TPRG1: variants seen among roughly 807,000 people sequenced by gnomAD.
TPRG1 encodes tumor protein p63-regulated gene 1 protein.
Under a neutral mutation model 29.3 loss-of-function variants are expected in TPRG1, and 29 were observed. The observed-to-expected ratio is 0.99, with a 90% CI of 0.74 to 1.35. TPRG1 has a LOEUF of 1.35. TPRG1 is among the 40% of genes most tolerant of loss of function. The pLI, the probability that TPRG1 is intolerant of heterozygous loss-of-function variation, is 0.00. For missense variants in TPRG1, 327 were observed against 335.0 expected (o/e 0.98, Z 0.19); for synonymous variants, 130 against 116.8 (o/e 1.11, Z -0.73).
At chr3:189,004,654 G>T (rs2194521) in exon 3 of TPRG1, 2 of 152,042 alleles carry the variant, frequency 1.3e-5, no homozygotes, top group Non-Finnish European at 2.9e-5. Flanking sequence ...TCGCAAACCT[G>T]CTCTTCAGGC....
intron 4 of TPRG1, among the ~76,000 whole-genome samples, chr3:189,300,658 A>G (rs546504742): frequency 6.6e-6 from 1 of 152,326 alleles, no homozygotes; most frequent in Admixed American, 6.5e-5. Context: ...GAGCTAGACC[A>G]GATAAGCTCC....
At chr3:189,167,843 C>G (rs555829746), upstream of TPRG1, among the ~76,000 whole-genome samples, 4 of 152,166 alleles carry the variant, frequency 2.6e-5, no homozygotes, top group Non-Finnish European at 5.9e-5. Flanking sequence ...GCACTTACTT[C>G]GAGATTCTGT....
At chr3:189,206,625 C>T (rs1001206848) in intron 1 of TPRG1, among the ~76,000 whole-genome samples, 19 of 151,784 alleles carry the variant, frequency 1.3e-4, no homozygotes, top group East Asian at 5.8e-4. Context: ...CTCAGCCTAC[C>T]GAGTAGCTGA....
intron 3 of TPRG1, among the ~76,000 whole-genome samples, chr3:189,237,613 T>G (rs150661853): frequency 1.3e-5 from 2 of 152,132 alleles, no homozygotes; most frequent in East Asian, 3.9e-4. Context: ...GAGATGACCC[T>G]GAGTAGAGGC....
chr3:189,271,407 A>G (rs113766898), intron 4 of TPRG1, among the ~76,000 whole-genome samples: 5 of 151,044 alleles, frequency 3.3e-5, no homozygotes, highest in African/African-American at 9.6e-5. Context: ...AGTCTTGCAT[A>G]TAGTATATGT....
intron 4 of TPRG1, among the ~76,000 whole-genome samples, chr3:189,247,829 C>T (rs1741580071): frequency 6.6e-6 from 1 of 151,812 alleles, no homozygotes; most frequent in African/African-American, 2.4e-5. Context: ...AACATTTTGG[C>T]AGGTTCAAGG....
chr3:189,299,680 T>C (rs1242033968), intron 4 of TPRG1, among the ~76,000 whole-genome samples: 1 of 151,782 alleles, frequency 6.6e-6, no homozygotes, highest in Non-Finnish European at 1.5e-5. Context: ...GTCCAACCGA[T>C]TTGACCATGA....
intron 4 of TPRG1, among the ~76,000 whole-genome samples, chr3:189,252,783 C>T (rs1742497073): frequency 6.6e-6 from 1 of 152,114 alleles, no homozygotes; most frequent in Admixed American, 6.5e-5. Flanking sequence ...ACAGTGCTTT[C>T]TAATTTTTAA....
intron 4 of TPRG1, among the ~76,000 whole-genome samples, chr3:189,285,125 G>C (rs1401243251): frequency 3.3e-5 from 5 of 152,176 alleles, no homozygotes; most frequent in Admixed American, 3.3e-4. Context: ...CAACAAGTGG[G>C]CGAAGGATAT....
intron 4 of TPRG1, among the ~76,000 whole-genome samples, chr3:189,075,023 G>T (rs1459588861): frequency 6.6e-6 from 1 of 152,140 alleles, no homozygotes; most frequent in Admixed American, 6.5e-5. Flanking sequence ...GTGTTAGGCA[G>T]GATGGTCTCA....
chr3:189,315,427 CTTTGTA>C, intron 5 of TPRG1: 1 of 439,614 alleles, frequency 2.3e-6, no homozygotes, highest in Non-Finnish European at 4.5e-6. Context: ...ATTTCATCCA[CTTTGTA>C]TTTGCAACTT....
At chr3:189,125,433 T>C (rs1184191842) in intron 1 of TPRG1, among the ~76,000 whole-genome samples, 3 of 152,224 alleles carry the variant, frequency 2.0e-5, no homozygotes, top group Admixed American at 6.5e-5. Context: ...TATTATTTAC[T>C]GAGCCCTGGG....
chr3:189,252,960 G>A (rs1347164442), intron 4 of TPRG1, among the ~76,000 whole-genome samples: 1 of 151,720 alleles, frequency 6.6e-6, no homozygotes, highest in African/African-American at 2.4e-5. Flanking sequence ...TTTACATATT[G>A]GAAAACAATA....
At chr3:189,012,394 T>G (rs1274412184) in intron 3 of TPRG1, among the ~76,000 whole-genome samples, 1 of 152,176 alleles carries the variant, frequency 6.6e-6, no homozygotes, top group Admixed American at 6.6e-5. Flanking sequence ...AATCATGTGG[T>G]TTTTGTCTTT....
At chr3:189,118,990 T>A (rs1423730938) in intron 1 of TPRG1, among the ~76,000 whole-genome samples, 2 of 152,234 alleles carry the variant, frequency 1.3e-5, no homozygotes, top group African/African-American at 2.4e-5. Flanking sequence ...ATGGGAGGTC[T>A]ACATACAGCT....
At chr3:189,021,868 C>T (rs1443656374) in intron 3 of TPRG1, among the ~76,000 whole-genome samples, 1 of 152,192 alleles carries the variant, frequency 6.6e-6, no homozygotes, top group South Asian at 2.1e-4. Flanking sequence ...TTCAGGTACA[C>T]CAATGAGACG....
At chr3:189,061,848 T>G (rs1280293916) in intron 4 of TPRG1, among the ~76,000 whole-genome samples, 1 of 151,836 alleles carries the variant, frequency 6.6e-6, no homozygotes, top group African/African-American at 2.4e-5. Context: ...GGAGTGTAAA[T>G]TAGTTCAATC....
At chr3:189,191,974 G>A (rs1046495166) in intron 1 of TPRG1, among the ~76,000 whole-genome samples, 1 of 152,098 alleles carries the variant, frequency 6.6e-6, no homozygotes, top group Non-Finnish European at 1.5e-5. Flanking sequence ...CATTATAACT[G>A]AACACACTGG....
intron 1 of TPRG1, among the ~76,000 whole-genome samples, chr3:189,100,385 A>G (rs1248005877): frequency 2.0e-5 from 3 of 152,214 alleles, no homozygotes; most frequent in Admixed American, 6.5e-5. Flanking sequence ...AAATCATTCA[A>G]GGGTCATCTC....
Sources: allele counts gnomAD v4.1 joint callset (sites outside exome capture counted in the v4.1 genomes callset), GRCh38; gene constraint gnomAD v4.1.1; transcripts MANE v1.5; gene names NCBI Gene and HGNC (gene_info 2026-07-23, HGNC 2026-07-21).